Variants in SETDB1 observed in about 807,000 individuals in gnomAD.
SETDB1 encodes the protein histone-lysine N-methyltransferase SETDB1.
SETDB1 carries 31 observed loss-of-function variants against 137.4 expected under a neutral mutation model. That is an observed-to-expected ratio of 0.23 (90% CI 0.17 to 0.30). The LOEUF is 0.30. SETDB1 is among the 10% of genes least tolerant of loss of function. The pLI is 1.00. For synonymous variants in SETDB1, 548 were observed against 579.9 expected, an observed-to-expected ratio of 0.95 and a Z score of 0.79; for missense variants, 1,113 against 1,631.5, an observed-to-expected ratio of 0.68 and a Z score of 5.47.
intron 14 of SETDB1, among the ~76,000 whole-genome samples, chr1:150,957,077 G>A (rs587713869): frequency 2.0e-5 from 3 of 151,200 alleles, no homozygotes; most frequent in South Asian, 4.2e-4. Context: ...TGTTTGTGCC[G>A]CTGCACTATG....
At chr1:150,943,098 G>A in intron 7 of SETDB1, 45 bp downstream of exon 7, 1 of 1,405,672 alleles carries the variant, frequency 7.1e-7, no homozygotes, top group South Asian at 1.2e-5. Context: ...TGGGAGCACA[G>A]CACCTGCCCT....
At chr1:150,928,269 G>C (rs1328418221) in intron 2 of SETDB1, 2 of 369,954 alleles carry the variant, frequency 5.4e-6, no homozygotes, top group Non-Finnish European at 1.0e-5. Context: ...ATGTTGGCCA[G>C]GCTGTGTACC....
chr1:150,958,243 TTTTC>T (rs1381051950), intron 14 of SETDB1, among the ~76,000 whole-genome samples: 2 of 129,334 alleles, frequency 1.5e-5, no homozygotes, highest in Non-Finnish European at 3.3e-5. Context: ...TTTTTCTTTT[TTTTC>T]TTTTTTCTTT....
chr1:150,961,812 CAAG>C (rs1412634625), intron 16 of SETDB1: 1 of 346,108 alleles, frequency 2.9e-6, no homozygotes, highest in Non-Finnish European at 5.3e-6. Flanking sequence ...AGTAGAGAAA[CAAG>C]AATTGATTTT....
chr1:150,957,384 T>C (rs1019644505), intron 14 of SETDB1, among the ~76,000 whole-genome samples: 74 of 152,154 alleles, frequency 4.9e-4, no homozygotes, highest in Non-Finnish European at 1.5e-4. Flanking sequence ...AGAATATGTA[T>C]ATATAAGGCA....
At position 150,962,956 on chromosome 1, in the gene SETDB1, A is replaced by C. The variant is rs1571665050; in HGVS notation, c.3295-18A>C. 6.2e-7 allele frequency: 1 copy of C among 1,610,750 alleles called. No homozygotes were observed. Among genetic ancestry groups the C allele is most frequent in the South Asian group, 1.1e-5 (1 of 90,898 alleles). ...TTCCCATTTACTTCTCTTACTTCTTACCCTCCTGCTTCCCCAGGATGTCCT... is the reference window on the plus strand; with the variant it reads ...TTCCCATTTACTTCTCTTACTTCTTCCCCTCCTGCTTCCCCAGGATGTCCT... On this transcript the variant is annotated intron_variant, in intron 18 of 21. Transcript: ENST00000692827.
intron 10 of SETDB1, among the ~76,000 whole-genome samples, chr1:150,948,268 C>T (rs1479849628): frequency 7.4e-6 from 1 of 135,578 alleles, no homozygotes; most frequent in Non-Finnish European, 1.6e-5. Context: ...GACAGAGTAG[C>T]AATTTTTTTT....
At chr1:150,957,598 C>T (rs906839649) in intron 14 of SETDB1, among the ~76,000 whole-genome samples, 2 of 152,116 alleles carry the variant, frequency 1.3e-5, no homozygotes, top group Admixed American at 6.6e-5. Flanking sequence ...AACATTGTTA[C>T]CTGAAACAAT....
rs1669651400 is a variant in SETDB1 at position 150,929,387 on chromosome 1, T to TA, written c.261-580_261-579insA. ...TTATTTTATTTTTATTTTATTTTAT[T>TA]TTTTTTTTAGACAGAGACTTGCTCT... On this transcript the variant is annotated intron_variant, in intron 2 of 21. Transcript: ENST00000692827. Among the ~76,000 whole-genome samples the TA allele has an allele frequency of 2.0e-5, 3 of 151,040 alleles. No homozygotes were observed. In the South Asian group the frequency reaches 6.3e-4, roughly 32 times the overall value.
intron 5 of SETDB1, among the ~76,000 whole-genome samples, chr1:150,942,139 CA>C (rs940063526): frequency 5.8e-3 from 502 of 85,942 alleles, no homozygotes; most frequent in Admixed American, 7.6e-3. Flanking sequence ...GACTCCATCT[CA>C]AAAAAAAAAA....
At chr1:150,951,520 T>A (rs772696060) in intron 14 of SETDB1, 39 bp downstream of exon 14, 5 of 1,037,856 alleles carry the variant, frequency 4.8e-6, no homozygotes, top group South Asian at 4.1e-5. Flanking sequence ...TCAGAGAGAC[T>A]GAGGAGCATG....
At chr1:150,941,273 A>G in intron 4 of SETDB1, 56 bp from the exon 5 acceptor site, 2 of 944,058 alleles carry the variant, frequency 2.1e-6, no homozygotes, top group Admixed American at 2.0e-5. Flanking sequence ...TTCTGAAGTT[A>G]TTTGTAACCC....
chr1:150,956,158 C>T (rs1356278423), intron 14 of SETDB1, among the ~76,000 whole-genome samples: 3 of 150,488 alleles, frequency 2.0e-5, no homozygotes, highest in Admixed American at 1.3e-4. Flanking sequence ...GAGGCCGAGA[C>T]AGGTGGATTA....
intron 3 of SETDB1, among the ~76,000 whole-genome samples, chr1:150,934,244 G>A (rs901505110): frequency 1.3e-5 from 2 of 152,050 alleles, no homozygotes; most frequent in African/African-American, 2.4e-5. Context: ...AGGCCGAGAC[G>A]GGCAGATCAC....
At chr1:150,928,852 T>TA (rs1669628668) in intron 2 of SETDB1, among the ~76,000 whole-genome samples, 1 of 152,186 alleles carries the variant, frequency 6.6e-6, no homozygotes, top group Non-Finnish European at 1.5e-5. Flanking sequence ...GTGTTTGGTT[T>TA]TCTGTCCTTG....
At chr1:150,931,047 C>T (rs1669719410) in intron 3 of SETDB1, among the ~76,000 whole-genome samples, 1 of 151,420 alleles carries the variant, frequency 6.6e-6, no homozygotes, top group Non-Finnish European at 1.5e-5. Context: ...ATCCCCTGAT[C>T]CCAGGAATTT....
At chr1:150,958,853 C>G (rs368857615) in intron 14 of SETDB1, among the ~76,000 whole-genome samples, 6 of 152,076 alleles carry the variant, frequency 3.9e-5, no homozygotes, top group African/African-American at 1.2e-4. Flanking sequence ...TTTAATGGCT[C>G]TGTAATCTGT....
rs1669521547 is a variant in SETDB1, at chr1:150,926,498, T to C, written c.-31T>C. 1 of 328,482 alleles carries C rather than the reference T, an allele frequency of 3.0e-6. No individual in the cohort carries two copies. Among genetic ancestry groups the C allele is most frequent in the Non-Finnish European group, 5.8e-6 (1 of 171,294 alleles). 20.3% of individuals were successfully genotyped at this position (328,482 alleles called of 1,614,324 possible). A position where few individuals can be genotyped will look rare whatever the true frequency, so the allele number is the denominator to read the frequency against. Reference sequence around the variant, plus strand: ...GGGTCTGGTTGGTGAAAAAGAGCCCTTGAAGCTGGAAGACGGGAGGTGCGG... The same window carrying C: ...GGGTCTGGTTGGTGAAAAAGAGCCCCTGAAGCTGGAAGACGGGAGGTGCGG... On this transcript the variant is annotated 5_prime_UTR_variant, in exon 1 of 22. Transcript: ENST00000692827.
intron 2 of SETDB1, among the ~76,000 whole-genome samples, chr1:150,928,882 A>T (rs1669630174): frequency 6.6e-6 from 1 of 152,030 alleles, no homozygotes; most frequent in Admixed American, 6.6e-5. Flanking sequence ...GCTCAGAATG[A>T]TGGTTTCCAG....
Sources: gnomAD v4.1 joint callset for allele counts (sites outside exome capture counted in the v4.1 genomes callset) on GRCh38, gnomAD v4.1.1 for gene constraint, MANE v1.5 for transcripts, NCBI Gene and HGNC (gene_info 2026-07-23, HGNC 2026-07-21) for gene names.